Variants in RPS6KA2 observed in about 807,000 individuals in gnomAD.
RPS6KA2 encodes the protein ribosomal protein S6 kinase A2, also known as ribosomal protein S6 kinase alpha-2.
A neutral mutation model predicts 91.8 loss-of-function variants in RPS6KA2; 42 were observed. The ratio of observed to expected loss-of-function variants is 0.46; its 90% CI spans 0.36 to 0.59. RPS6KA2 has a LOEUF of 0.59. Among genes scored for constraint, RPS6KA2 ranks in the 20% least tolerant of loss-of-function variants. The probability of loss-of-function intolerance (pLI) is 0.00; values close to 1 mark genes in which losing one functional copy is unlikely to be tolerated. For missense variants in RPS6KA2, 798 were observed against 978.5 expected (o/e 0.82, Z 2.46); for synonymous variants, 414 against 393.6 (o/e 1.05, Z -0.61).
At chr6:166,637,858 G>A (rs898128579) in intron 2 of RPS6KA2, among the ~76,000 whole-genome samples, 1 of 152,252 alleles carries the variant, frequency 6.6e-6, no homozygotes, top group Non-Finnish European at 1.5e-5. Flanking sequence ...GCAGGGGACA[G>A]AGCCCACTCC....
rs780489871 is a variant in RPS6KA2 at position 166,445,947 on chromosome 6, G to A, written c.1332+2777C>T. 1.3e-5 allele frequency among the ~76,000 whole-genome samples: 2 copies of A among 152,206 alleles called. No individual in the cohort carries two copies. Among genetic ancestry groups the A allele is most frequent in the Non-Finnish European group, 2.9e-5 (2 of 68,034 alleles). ...GTTCTGGGTCATGTTAGAAGTCACC[G>A]AACTTTGCTGTTTCTTAGTCCATCA... On this transcript the variant is annotated intron_variant, in intron 14 of 20. Transcript: ENST00000265678. The surrounding 1 kb of genome is among the most constrained non-coding windows in gnomAD (Gnocchi z 4.5).
intron 2 of RPS6KA2, among the ~76,000 whole-genome samples, chr6:166,751,284 G>T (rs939313001): frequency 6.6e-6 from 1 of 152,362 alleles, no homozygotes; most frequent in South Asian, 2.1e-4. Flanking sequence ...GGCCAGGTGC[G>T]TTCAGGAAGG....
chr6:166,623,342 T>C (rs1786713839), intron 1 of RPS6KA2, among the ~76,000 whole-genome samples: 1 of 152,236 alleles, frequency 6.6e-6, no homozygotes, highest in Non-Finnish European at 1.5e-5. Context: ...TCCCATCTTC[T>C]GAGGCTCTAC....
Position 166,545,455 on chromosome 6 carries a change from C to T in RPS6KA2, c.100-6671G>A, listed in dbSNP as rs78098725. ...CGTTAAGCTACTCACTGAAGCTCCT[C>T]GGAACTGAGGCTGGGCTAATGTAAG... is the stretch of plus-strand genomic sequence containing the variant. On this transcript the variant is annotated intron_variant, in intron 1 of 20. Coordinates refer to ENST00000265678, the MANE Select transcript of RPS6KA2 (RefSeq NM_021135.6). 2.4e-3 allele frequency among the ~76,000 whole-genome samples: 363 copies of T among 152,280 alleles called. 3 individuals carry two copies. The highest frequency in any genetic ancestry group is 8.1e-3 in the African/African-American group (338 of 41,542).
At chr6:166,854,628 C>T (rs1374597165) in intron 2 of RPS6KA2, among the ~76,000 whole-genome samples, 4 of 152,180 alleles carry the variant, frequency 2.6e-5, no homozygotes, top group African/African-American at 9.7e-5. Flanking sequence ...TATGTTCAGA[C>T]TGGCAAGAGG....
chr6:166,734,269 G>A (rs1009223048), intron 2 of RPS6KA2, among the ~76,000 whole-genome samples: 2 of 152,262 alleles, frequency 1.3e-5, no homozygotes, highest in South Asian at 2.1e-4. Flanking sequence ...CTCTTGCCTC[G>A]TATACCTGTT....
chr6:166,672,378 A>T (rs960420408), intron 2 of RPS6KA2, among the ~76,000 whole-genome samples: 1 of 152,216 alleles, frequency 6.6e-6, no homozygotes, highest in Admixed American at 6.5e-5. Flanking sequence ...GATAACAAGC[A>T]TAACCAGTCA....
chr6:166,444,471 T>A (rs1779614927), intron 14 of RPS6KA2, among the ~76,000 whole-genome samples: 2 of 152,180 alleles, frequency 1.3e-5, no homozygotes, highest in Admixed American at 6.5e-5. Flanking sequence ...CTTGTAGTTA[T>A]TAGAAAGTAG....
chr6:166,862,554 A>C, upstream of RPS6KA2: 2 of 265,436 alleles, frequency 7.5e-6, no homozygotes, highest in South Asian at 4.9e-5. Flanking sequence ...TTCGAATTGA[A>C]TTTCCTGCCT....
In RPS6KA2 at chr6:166,418,056, C is replaced by G. The variant is rs748290300; in HGVS notation, c.1938+169G>C. On this transcript the variant is annotated intron_variant, in intron 19 of 20. Coordinates refer to ENST00000265678, the MANE Select transcript of RPS6KA2 (RefSeq NM_021135.6). This position sits in a 1 kb window ranked among gnomAD's most constrained non-coding sequence, Gnocchi z 4.9. Reference sequence around the variant, plus strand: ...TGAGCCAAGATTGTGCCACTGCACTCCAGCCTGGGTGAGACAGAGCGAGAC... The same window carrying G: ...TGAGCCAAGATTGTGCCACTGCACTGCAGCCTGGGTGAGACAGAGCGAGAC... Among the ~76,000 whole-genome samples, 3 of 151,672 alleles carry G rather than the reference C, an allele frequency of 2.0e-5. No individual in the cohort carries two copies. Among genetic ancestry groups the G allele is most frequent in the Admixed American group, 6.6e-5 (1 of 15,230 alleles).
intron 1 of RPS6KA2, among the ~76,000 whole-genome samples, chr6:166,620,084 G>T (rs1562346757): frequency 6.6e-6 from 1 of 152,190 alleles, no homozygotes; most frequent in African/African-American, 2.4e-5. Context: ...TGCAGAGACT[G>T]CTCTCCACAG....
intron 1 of RPS6KA2, among the ~76,000 whole-genome samples, chr6:166,568,473 C>T (rs867115864): frequency 9.9e-5 from 15 of 151,844 alleles, no homozygotes; most frequent in South Asian, 6.2e-4. Context: ...AAAAATTAGC[C>T]GGTCGTGGTG....
At chr6:166,601,677 T>TA (rs1457362760) in intron 1 of RPS6KA2, among the ~76,000 whole-genome samples, 1 of 152,146 alleles carries the variant, frequency 6.6e-6, no homozygotes, top group African/African-American at 2.4e-5. Context: ...TAAGGGGCAC[T>TA]AAAAAAATTG....
At chr6:166,682,752 C>T (rs1473594875) in intron 2 of RPS6KA2, among the ~76,000 whole-genome samples, 1 of 152,208 alleles carries the variant, frequency 6.6e-6, no homozygotes, top group Non-Finnish European at 1.5e-5. Context: ...TCTCCCCACA[C>T]CCAGCAAAAT....
chr6:166,851,594 C>T (rs1181631533), intron 2 of RPS6KA2, among the ~76,000 whole-genome samples: 2 of 152,200 alleles, frequency 1.3e-5, no homozygotes, highest in Non-Finnish European at 2.9e-5. Context: ...GTGAGTGCTC[C>T]GCTCCAGGCT....
At chr6:166,815,148 G>A (rs567317927) in intron 2 of RPS6KA2, among the ~76,000 whole-genome samples, 7 of 152,298 alleles carry the variant, frequency 4.6e-5, no homozygotes, top group East Asian at 3.9e-4. Context: ...CTAAATGACC[G>A]ATTAAAGAAA....
Position 166,666,013 on chromosome 6 carries a change from C to A in RPS6KA2, c.124-127229G>T, listed in dbSNP as rs751536961. ...AAATCAAGTGGAAAAGCCCACATCA[C>A]CACAGGCTGCGATCTGAAGGAGCAG... On this transcript the variant is annotated intron_variant, in intron 2 of 21. Coordinates refer to the RPS6KA2 transcript ENST00000503859. The surrounding 1 kb of genome is among the most constrained non-coding windows in gnomAD (Gnocchi z 4.0). 3.3e-5 allele frequency among the ~76,000 whole-genome samples: 5 copies of A among 152,164 alleles called. No individual in the cohort carries two copies. Among genetic ancestry groups the A allele is most frequent in the Admixed American group, 6.5e-5 (1 of 15,272 alleles).
intron 1 of RPS6KA2, among the ~76,000 whole-genome samples, chr6:166,548,546 TAC>T (rs1482794005): frequency 6.6e-6 from 1 of 152,140 alleles, no homozygotes; most frequent in East Asian, 1.9e-4. Flanking sequence ...AGCATTCAAA[TAC>T]ACCCAGCTGC....
At chr6:166,681,441 G>C (rs1253216042) in intron 2 of RPS6KA2, among the ~76,000 whole-genome samples, 2 of 152,154 alleles carry the variant, frequency 1.3e-5, no homozygotes, top group African/African-American at 4.8e-5. Flanking sequence ...TAAGGTCCAA[G>C]TTTCTTATCT....
Sources: gnomAD v4.1 joint callset for allele counts (sites outside exome capture counted in the v4.1 genomes callset) on GRCh38, gnomAD v4.1.1 for gene constraint, Gnocchi (gnomAD v3.1) non-coding constraint, MANE v1.5 for transcripts, NCBI Gene and HGNC (gene_info 2026-07-23, HGNC 2026-07-21) for gene names.